The following TEX36 variants were observed in gnomAD, a reference collection of about 807,000 sequenced individuals.
TEX36 encodes testis-expressed protein 36.
In TEX36, 12 loss-of-function variants were observed where a neutral mutation model predicts 13.6. The observed-to-expected ratio is 0.88, with a 90% CI of 0.56 to 1.43. The LOEUF is 1.43. Ranked by LOEUF, TEX36 falls within the 40% of genes most tolerant of loss-of-function variation. The pLI is 0.00. For missense variants in TEX36, 224 were observed against 228.3 expected (o/e 0.98, Z 0.12); for synonymous variants, 93 against 83.0 (o/e 1.12, Z -0.65).
chr10:125,626,569 C>G (rs1169667461), intron 3 of TEX36, among the ~76,000 whole-genome samples: 2 of 152,178 alleles, frequency 1.3e-5, no homozygotes, highest in African/African-American at 4.8e-5. Flanking sequence ...TTTCCTTCCC[C>G]TGGAGAGCTC....
chr10:125,584,248 C>A (rs1045055751), intron 3 of TEX36, among the ~76,000 whole-genome samples: 1 of 152,208 alleles, frequency 6.6e-6, no homozygotes, highest in African/African-American at 2.4e-5. Flanking sequence ...CAGAGCCCAG[C>A]CAAAGCTGCT....
intron 1 of TEX36, among the ~76,000 whole-genome samples, chr10:125,681,490 C>T (rs1222532496): frequency 6.6e-6 from 1 of 152,188 alleles, no homozygotes; most frequent in Non-Finnish European, 1.5e-5. Context: ...TCTCATTTTA[C>T]TTTGGCTGCC....
chr10:125,591,250 G>A (rs556623167), intron 3 of TEX36, among the ~76,000 whole-genome samples: 4 of 152,348 alleles, frequency 2.6e-5, no homozygotes, highest in South Asian at 2.1e-4. Flanking sequence ...TTCAATGAGC[G>A]TTTGATGTCA....
intron 3 of TEX36, among the ~76,000 whole-genome samples, chr10:125,640,723 G>T (rs1046003390): frequency 1.3e-5 from 2 of 152,094 alleles, no homozygotes; most frequent in African/African-American, 4.8e-5. Context: ...AGAAGACAGG[G>T]TTACTCTCAA....
intron 3 of TEX36, among the ~76,000 whole-genome samples, chr10:125,582,295 T>C (rs919267146): frequency 2.0e-5 from 3 of 152,180 alleles, no homozygotes; most frequent in African/African-American, 7.2e-5. Context: ...CTCCCATAAT[T>C]TAACTGTATC....
intron 1 of TEX36, among the ~76,000 whole-genome samples, chr10:125,676,902 C>T (rs1161286191): frequency 6.6e-6 from 1 of 152,172 alleles, no homozygotes; most frequent in Non-Finnish European, 1.5e-5. Context: ...TAAAAAAGTC[C>T]TTCCCTCAGC....
chr10:125,615,989 A>G (rs551328443), intron 3 of TEX36, among the ~76,000 whole-genome samples: 1 of 152,274 alleles, frequency 6.6e-6, no homozygotes, highest in African/African-American at 2.4e-5. Flanking sequence ...CAGAGATTCA[A>G]CTTCTTCCTG....
intron 3 of TEX36, among the ~76,000 whole-genome samples, chr10:125,589,071 AAAAC>A (rs1845992159): frequency 6.6e-6 from 1 of 152,226 alleles, no homozygotes; most frequent in Non-Finnish European, 1.5e-5. Flanking sequence ...TATGGAGAGG[AAAAC>A]ATCAAACAAT....
chr10:125,612,108 C>G (rs1846297559), intron 3 of TEX36, among the ~76,000 whole-genome samples: 1 of 139,174 alleles, frequency 7.2e-6, no homozygotes, highest in Non-Finnish European at 1.5e-5. Context: ...TTTTTTCAGA[C>G]AGAGTCTTGC....
intron 3 of TEX36, among the ~76,000 whole-genome samples, chr10:125,623,569 G>A (rs1426779821): frequency 7.0e-6 from 1 of 142,246 alleles, no homozygotes; most frequent in Non-Finnish European, 1.5e-5. Context: ...GGATTGACTG[G>A]TTTCCAAATG....
intron 3 of TEX36, among the ~76,000 whole-genome samples, chr10:125,589,527 T>G (rs1845998106): frequency 6.6e-6 from 1 of 152,358 alleles, no homozygotes; most frequent in South Asian, 2.1e-4. Context: ...TGTCTTTCTA[T>G]TCCCAGTTTA....
intron 3 of TEX36, among the ~76,000 whole-genome samples, chr10:125,640,974 C>T (rs1037286541): frequency 1.3e-5 from 2 of 151,658 alleles, no homozygotes; most frequent in South Asian, 2.1e-4. Flanking sequence ...ATCTCTCCCC[C>T]CTCCCCCGGG....
intron 3 of TEX36, among the ~76,000 whole-genome samples, chr10:125,600,630 C>T (rs913490235): frequency 3.3e-5 from 5 of 152,216 alleles, no homozygotes; most frequent in African/African-American, 1.2e-4. Context: ...AAGTCACTTG[C>T]TGAGGACCCC....
chr10:125,617,961 T>C (rs1331872425), downstream of TEX36, among the ~76,000 whole-genome samples: 2 of 152,224 alleles, frequency 1.3e-5, no homozygotes, highest in Non-Finnish European at 1.5e-5. Flanking sequence ...CATAGTCCCA[T>C]ATTTCTTGGA....
chr10:125,577,204 A>T (rs970178230), intron 3 of TEX36, among the ~76,000 whole-genome samples: 1 of 152,212 alleles, frequency 6.6e-6, no homozygotes, highest in Admixed American at 6.5e-5. Context: ...TGGACAAAAC[A>T]GTAAATATCA....
chr10:125,672,806 C>T (rs868717830), intron 1 of TEX36, among the ~76,000 whole-genome samples: 2 of 152,296 alleles, frequency 1.3e-5, no homozygotes, highest in Non-Finnish European at 1.5e-5. Context: ...AATCTGAGTG[C>T]TCCTATATTG....
intron 3 of TEX36, among the ~76,000 whole-genome samples, chr10:125,631,567 A>T (rs1846554800): frequency 6.6e-6 from 1 of 152,216 alleles, no homozygotes; most frequent in Admixed American, 6.5e-5. Context: ...GAGGGATTTA[A>T]TAAAATGGAG....
intron 1 of TEX36, among the ~76,000 whole-genome samples, chr10:125,669,632 G>C (rs769508121): frequency 3.3e-5 from 5 of 151,968 alleles, no homozygotes; most frequent in Admixed American, 6.6e-5. Context: ...ACAAGTGCAG[G>C]AGAGGCAGTC....
chr10:125,657,905 A>G (rs2133592301), intron 3 of TEX36, among the ~76,000 whole-genome samples: 1 of 152,236 alleles, frequency 6.6e-6, no homozygotes, highest in East Asian at 1.9e-4. Flanking sequence ...GTGTTAATAT[A>G]ATTATTAAAT....
Sources: allele counts gnomAD v4.1 joint callset (sites outside exome capture counted in the v4.1 genomes callset), GRCh38; gene constraint gnomAD v4.1.1; transcripts MANE v1.5; gene names NCBI Gene and HGNC (gene_info 2026-07-23, HGNC 2026-07-21).